Variants in ROPN1 observed in about 807,000 individuals in gnomAD.
ROPN1 encodes rhophilin associated tail protein 1, also known as ropporin-1A.
Under a neutral mutation model 20.5 loss-of-function variants are expected in ROPN1, and 14 were observed. That is an observed-to-expected ratio of 0.68 (90% CI 0.45 to 1.07). ROPN1 has a LOEUF of 1.07. Among genes scored for constraint, ROPN1 ranks in the 50% least tolerant of loss-of-function variants. The pLI, the probability that ROPN1 is intolerant of heterozygous loss-of-function variation, is 0.00. For missense variants in ROPN1, 169 were observed against 242.8 expected (o/e 0.70, Z 2.02); for synonymous variants, 76 against 95.7 (o/e 0.79, Z 1.20).
intron 3 of ROPN1, among the ~76,000 whole-genome samples, chr3:123,975,983 C>G (rs2038013475): frequency 6.6e-6 from 1 of 152,176 alleles, no homozygotes; most frequent in African/African-American, 2.4e-5. Context: ...GTTCTTAGCT[C>G]TAGACCTCAA....
chr3:123,980,216 T>C, intron 2 of ROPN1, 150 bp downstream of exon 2: 2 of 707,850 alleles, frequency 2.8e-6, no homozygotes, highest in South Asian at 1.7e-5. Flanking sequence ...GTGTGGATTT[T>C]AAAGCATCAA....
At chr3:123,977,819 G>A (rs564403035) in intron 2 of ROPN1, among the ~76,000 whole-genome samples, 50 of 152,180 alleles carry the variant, frequency 3.3e-4, no homozygotes, top group Admixed American at 2.4e-3. Flanking sequence ...AGTGGACTTC[G>A]TTTGGGGGCA....
chr3:123,990,678 C>T (rs1302169334), intron 1 of ROPN1, among the ~76,000 whole-genome samples: 2 of 152,212 alleles, frequency 1.3e-5, no homozygotes, highest in African/African-American at 4.8e-5. Flanking sequence ...TTTTAAATCT[C>T]TTGATAGTGT....
chr3:123,991,804 T>A (rs1418397322), intron 1 of ROPN1, 118 bp downstream of exon 1: 2 of 152,408 alleles, frequency 1.3e-5, no homozygotes, highest in African/African-American at 4.8e-5. Flanking sequence ...CCTTGCCCTG[T>A]GAACAAGGAG....
At chr3:123,982,286 G>A (rs894453821) in intron 1 of ROPN1, among the ~76,000 whole-genome samples, 2 of 152,190 alleles carry the variant, frequency 1.3e-5, no homozygotes, top group Admixed American at 1.3e-4. Flanking sequence ...AATTCTCAAT[G>A]AGTATGCCAC....
rs1411343523 is a variant in ROPN1, at chr3:123,980,541, A to G, written c.-12-48T>C. ...CGTTAAGATGAAAACTTCGATTCAT[A>G]CGATGAGAGCAATCCTGGACAGGAG... On this transcript the variant is annotated intron_variant, in intron 1 of 5. Transcript: ENST00000405845. The G allele has an allele frequency of 4.5e-6, 7 of 1,568,642 alleles. No individual in the cohort carries two copies. In the East Asian group the frequency reaches 1.6e-4, roughly 35 times the overall value.
At chr3:123,969,969 A>C (rs2037882596) in intron 5 of ROPN1, 73 bp downstream of exon 5, 1 of 1,450,840 alleles carries the variant, frequency 6.9e-7, no homozygotes, top group Non-Finnish European at 9.6e-7. Context: ...TAATACAATA[A>C]TCTCACTATC....
intron 1 of ROPN1, among the ~76,000 whole-genome samples, chr3:123,982,683 A>G (rs1261704839): frequency 2.6e-5 from 4 of 152,142 alleles, no homozygotes; most frequent in African/African-American, 4.8e-5. Context: ...GCAGTGCCTT[A>G]TTTGCTCATG....
At chr3:123,982,497 A>T (rs2038171880) in intron 1 of ROPN1, among the ~76,000 whole-genome samples, 1 of 152,176 alleles carries the variant, frequency 6.6e-6, no homozygotes, top group Non-Finnish European at 1.5e-5. Flanking sequence ...CAGTACTATT[A>T]GTAATGCTCT....
intron 1 of ROPN1, chr3:123,981,534 C>T (rs536930126): frequency 6.5e-4 from 100 of 153,918 alleles, no homozygotes; most frequent in African/African-American, 2.3e-3. Context: ...ACTACACCCT[C>T]AGCGTGAAAA....
chr3:123,972,698 G>C (rs1412511975), intron 4 of ROPN1, among the ~76,000 whole-genome samples: 1 of 152,178 alleles, frequency 6.6e-6, no homozygotes, highest in Non-Finnish European at 1.5e-5. Flanking sequence ...CCTGTTACTA[G>C]ATCTTCTACA....
chr3:123,980,398 C>A lies in ROPN1; in HGVS notation c.84G>T (p.Val28=). Residue 28 remains valine, a synonymous_variant, in exon 2 of 6, where the codon GTG becomes GTT. Coordinates refer to ENST00000405845, the MANE Select transcript of ROPN1 (RefSeq NM_001317774.2). ...CCCACTGGATGAGGTCCTGCGGCTG[C>A]ACCCTAATGGCGGCTTTGGCAAACT... ...LKEFAKAAIR[V]QPQDLIQWAA... 6.2e-7 allele frequency: 1 copy of A among 1,614,196 alleles called. No homozygotes were observed. The highest frequency in any genetic ancestry group is 1.1e-5 in the South Asian group (1 of 91,084).
Position 123,980,371 on chromosome 3 carries a change from T to C in ROPN1, c.111A>G (p.Ala37=), listed in dbSNP as rs761928498. ...GGCGAGAAAGGAGCACGTACTCGGC[T>C]GCCCACTGGATGAGGTCCTGCGGCT... ...RVQPQDLIQW[A]ADYFEALSRG... The change falls in exon 2 of 6, where the codon GCA becomes GCG. Residue 37 remains alanine (A), a synonymous_variant. Coordinates refer to ENST00000405845, the MANE Select transcript of ROPN1 (RefSeq NM_001317774.2). 1.5e-4 allele frequency: 235 copies of C among 1,614,088 alleles called. No homozygotes were observed. Among genetic ancestry groups the C allele is most frequent in the East Asian group, 1.8e-4 (8 of 44,898 alleles).
At chr3:123,979,487 T>C (rs1577368635) in intron 2 of ROPN1, 2 of 366,414 alleles carry the variant, frequency 5.5e-6, no homozygotes, top group East Asian at 7.3e-5. Context: ...TTCCAACTCC[T>C]GTCTCAAGTC....
At chr3:123,978,010 C>CT (rs2038059379) in intron 2 of ROPN1, among the ~76,000 whole-genome samples, 1 of 152,150 alleles carries the variant, frequency 6.6e-6, no homozygotes. Context: ...TCCCGCCCTG[C>CT]TTTTTTCCCT....
At chr3:123,970,787 G>A (rs185208946) in intron 4 of ROPN1, among the ~76,000 whole-genome samples, 3 of 152,168 alleles carry the variant, frequency 2.0e-5, no homozygotes, top group Non-Finnish European at 2.9e-5. Flanking sequence ...GAATCAGCTA[G>A]TGCTTTATTT....
chr3:123,975,839 A>G (rs2038008881), intron 3 of ROPN1: 3 of 372,992 alleles, frequency 8.0e-6, no homozygotes, highest in Non-Finnish European at 1.6e-5. Flanking sequence ...TTGTATTCCT[A>G]AATTGTTTTA....
Position 123,976,997 on chromosome 3 carries a change from T to C in ROPN1, c.117-16A>G. ...CTCAAAATAACTACAAGAAAAAAAG[T>C]CAGAGAGTAGGAGGATCCTATACAC... On this transcript the variant is annotated splice_polypyrimidine_tract_variant and intron_variant, in intron 2 of 5. Coordinates refer to ENST00000405845, the MANE Select transcript of ROPN1 (RefSeq NM_001317774.2). 1.2e-6 allele frequency: 2 copies of C among 1,604,964 alleles called. No homozygotes were observed. The highest frequency in any genetic ancestry group is 1.4e-5 in the African/African-American group (1 of 74,002).
rs201340337 is a variant in ROPN1, at chr3:123,986,018, A to AAAAAAAAAAAAAAAAAAAAAAAT, written c.-12-5526_-12-5525insATTTTTTTTTTTTTTTTTTTTTT. On this transcript the variant is annotated intron_variant, in intron 1 of 5. Coordinates refer to ENST00000405845, the MANE Select transcript of ROPN1 (RefSeq NM_001317774.2). ...AAAAAAAAAAAAAAAAAAAAAAAAA[A>AAAAAAAAAAAAAAAAAAAAAAAT]TCAAAATATTTAAATTATACTTGAA... Among the ~76,000 whole-genome samples, 36 of 93,984 alleles carry AAAAAAAAAAAAAAAAAAAAAAAT rather than the reference A, an allele frequency of 3.8e-4. 12 individuals carry two copies. The East Asian group carries it at 4.9e-3, about 13-fold the overall frequency. The allele number at this position is 93,984 out of a possible 152,430, so 61.7% of individuals were successfully genotyped here.
Sources: gnomAD v4.1 joint callset for allele counts (sites outside exome capture counted in the v4.1 genomes callset) on GRCh38, gnomAD v4.1.1 for gene constraint, MANE v1.5 for transcripts, NCBI Gene and HGNC (gene_info 2026-07-23, HGNC 2026-07-21) for gene names.